TCN1: variants seen among roughly 807,000 people sequenced by gnomAD.
TCN1 encodes the protein transcobalamin-1.
In TCN1, 47 loss-of-function variants were observed where a neutral mutation model predicts 46.3. The observed-to-expected ratio is 1.01, with a 90% confidence interval of 0.80 to 1.29. The LOEUF (loss-of-function observed/expected upper bound fraction) is 1.29. TCN1 is among the 50% of genes most tolerant of loss of function. The probability of loss-of-function intolerance (pLI) is 0.00; values close to 1 mark genes in which losing one functional copy is unlikely to be tolerated. For synonymous variants in TCN1, 183 were observed against 192.5 expected, an observed-to-expected ratio of 0.95 and a Z score of 0.41; for missense variants, 532 against 511.0, an observed-to-expected ratio of 1.04 and a Z score of -0.40.
chr11:59,853,152 C>T (rs762674888), intron 8 of TCN1, 51 bp downstream of exon 8: 1 of 1,608,474 alleles, frequency 6.2e-7, no homozygotes, highest in Non-Finnish European at 8.5e-7. Context: ...TCACACCCCT[C>T]TCCATTTGGG....
intron 5 of TCN1, 27 bp from the exon 6 acceptor site, chr11:59,856,085 G>GGGGGGA: frequency 1.9e-5 from 11 of 585,328 alleles, no homozygotes; most frequent in South Asian, 2.8e-5. Context: ...GGGTGGGGGG[G>GGGGGGA]TGATGAGAGA....
intron 5 of TCN1, among the ~76,000 whole-genome samples, chr11:59,858,439 G>A (rs1415710540): frequency 6.6e-6 from 1 of 152,188 alleles, no homozygotes; most frequent in African/African-American, 2.4e-5. Context: ...ACTACTGTGT[G>A]TGTGAAAGTG....
At chr11:59,858,787 G>A (rs961320786) in intron 5 of TCN1, among the ~76,000 whole-genome samples, 2 of 152,162 alleles carry the variant, frequency 1.3e-5, no homozygotes, top group Non-Finnish European at 2.9e-5. Context: ...TGGCCAACAT[G>A]GTGAAACTCT....
chr11:59,855,818 T>A, intron 6 of TCN1, 51 bp downstream of exon 6: 3 of 1,598,598 alleles, frequency 1.9e-6, no homozygotes, highest in Non-Finnish European at 2.6e-6. Context: ...CTCACATGCT[T>A]TGGGTGCTAT....
intron 6 of TCN1, 101 bp from the exon 7 acceptor site, chr11:59,854,936 A>C: frequency 1.6e-6 from 2 of 1,264,792 alleles, no homozygotes; most frequent in Non-Finnish European, 2.3e-6. Context: ...CCTTGCCTTT[A>C]TGCAGACACG....
chr11:59,863,975 A>G lies in TCN1; in HGVS notation c.191T>C (p.Val64Ala), dbSNP rs372634621. 2 of 1,613,918 alleles carry G rather than the reference A, an allele frequency of 1.2e-6. No individual in the cohort carries two copies. The highest frequency in any genetic ancestry group is 1.3e-5 in the African/African-American group (1 of 74,966). The change falls in exon 2 of 9, where the codon GTT becomes GCT. Residue 64 changes from valine to alanine, a missense_variant. Val to Ala is a moderately conservative substitution (Grantham distance 64). Coordinates refer to ENST00000257264, the MANE Select transcript of TCN1 (RefSeq NM_001062.4). Reference sequence around the variant, plus strand: ...CATCAGGGTTTGGATCTGGATTCCAACAAGTTTGAGGGACAACACAACATT... The same window carrying G: ...CATCAGGGTTTGGATCTGGATTCCAGCAAGTTTGAGGGACAACACAACATT... The part of the protein sequence containing the change: ...AVNVVLSLKL[V>A]GIQIQTLMQK...
At chr11:59,864,349 C>T (rs1853050432) in intron 1 of TCN1, among the ~76,000 whole-genome samples, 1 of 152,140 alleles carries the variant, frequency 6.6e-6, no homozygotes, top group Non-Finnish European at 1.5e-5. Flanking sequence ...TGGCAGACTC[C>T]TGCCTGGGAA....
At chr11:59,854,598 G>GC in intron 7 of TCN1, 54 bp downstream of exon 7, 1 of 1,573,924 alleles carries the variant, frequency 6.4e-7, no homozygotes, top group Non-Finnish European at 8.7e-7. Flanking sequence ...CATTCTTACT[G>GC]CATCTTTAGA....
intron 3 of TCN1, 117 bp from the exon 4 acceptor site, chr11:59,861,799 T>G: frequency 8.2e-7 from 1 of 1,223,340 alleles, no homozygotes; most frequent in Non-Finnish European, 1.2e-6. Context: ...AGGTGGCTAA[T>G]AGAAGGGGGA....
intron 1 of TCN1, 94 bp downstream of exon 1, chr11:59,866,298 G>T: frequency 7.7e-7 from 1 of 1,300,992 alleles, no homozygotes; most frequent in Non-Finnish European, 1.1e-6. Flanking sequence ...AACTGGAATG[G>T]GATCTTTTCT....
At position 59,859,083 on chromosome 11, in the gene TCN1, G is replaced by A. The variant is rs765045964; in HGVS notation, c.741C>T (p.Ala247=). The change falls in exon 5 of 9, where the codon GCC becomes GCT. Residue 247 remains alanine (A), a synonymous_variant. Transcript: ENST00000257264. ...GTTTCACCCTCTGACTTACCTGCATGGCTTCTCCTGTGCTAAATGTGTTTC... is the reference window on the plus strand; with the variant it reads ...GTTTCACCCTCTGACTTACCTGCATAGCTTCTCCTGTGCTAAATGTGTTTC... ...LIGNTFSTGE[A]MQALFVSSDY... 3.7e-6 allele frequency: 6 copies of A among 1,612,702 alleles called. No homozygotes were observed. The highest frequency in any genetic ancestry group is 4.2e-6 in the Non-Finnish European group (5 of 1,179,922).
intron 1 of TCN1, among the ~76,000 whole-genome samples, chr11:59,865,928 A>G (rs1240008345): frequency 1.7e-4 from 26 of 152,200 alleles, no homozygotes; most frequent in Non-Finnish European, 3.8e-4. Flanking sequence ...CACTCATGAC[A>G]AGACAGCAGT....
chr11:59,855,109 G>T (rs1483093152), intron 6 of TCN1, among the ~76,000 whole-genome samples: 3 of 152,004 alleles, frequency 2.0e-5, no homozygotes, highest in Non-Finnish European at 4.4e-5. Context: ...TCTCACAGAG[G>T]ATCCTGATTT....
rs547339711 is a variant in TCN1 at position 59,852,950 on chromosome 11, T to C, written c.*25A>G. On this transcript the variant is annotated 3_prime_UTR_variant, in exon 9 of 9. Coordinates refer to ENST00000257264, the MANE Select transcript of TCN1 (RefSeq NM_001062.4). The stretch of plus-strand genomic sequence containing the variant: ...GGAACTCCACTGCAAATGGATTTTA[T>C]GCAGCTGAGGAAAGTTTGGGCTTAT... 1.2e-6 allele frequency: 2 copies of C among 1,611,692 alleles called. No homozygotes were observed. The highest frequency in any genetic ancestry group is 2.7e-5 in the African/African-American group (2 of 74,992).
intron 6 of TCN1, 56 bp downstream of exon 6, chr11:59,855,813 A>T: frequency 1.3e-6 from 2 of 1,596,944 alleles, no homozygotes; most frequent in Middle Eastern, 1.7e-4. Context: ...TGAATCTCAC[A>T]TGCTTTGGGT....
rs2135109228 is a variant in TCN1, at chr11:59,861,546, A to G, written c.537T>C (p.Phe179=). Reference sequence around the variant, plus strand: ...ACTCACCTACTGAGAACTGGCTACCAAAATAATAGTTTTTATTTTCAGGAG... The same window carrying G: ...ACTCACCTACTGAGAACTGGCTACCGAAATAATAGTTTTTATTTTCAGGAG... ...HFTPENKNYY[F]GSQFSVDTGA... is the part of the protein sequence containing the mutation. The change falls in exon 4 of 9, where the codon TTT becomes TTC. Residue 179 remains phenylalanine, a synonymous_variant. Coordinates refer to ENST00000257264, the MANE Select transcript of TCN1 (RefSeq NM_001062.4). 6.2e-7 allele frequency: 1 copy of G among 1,614,108 alleles called. No individual in the cohort carries two copies. Among genetic ancestry groups the G allele is most frequent in the East Asian group, 2.2e-5 (1 of 44,872 alleles).
intron 5 of TCN1, among the ~76,000 whole-genome samples, chr11:59,857,996 C>A (rs1852965189): frequency 6.6e-6 from 1 of 152,074 alleles, no homozygotes; most frequent in South Asian, 2.1e-4. Flanking sequence ...TAGTACTGAG[C>A]CTTAAATATA....
chr11:59,860,519 G>T (rs761117594), intron 4 of TCN1, among the ~76,000 whole-genome samples: 2 of 151,900 alleles, frequency 1.3e-5, no homozygotes, highest in African/African-American at 2.4e-5. Flanking sequence ...CATACACATG[G>T]ACAGTATTTC....
intron 5 of TCN1, among the ~76,000 whole-genome samples, chr11:59,856,802 G>A (rs570135852): frequency 1.8e-4 from 27 of 152,310 alleles, no homozygotes; most frequent in East Asian, 1.2e-3. Context: ...GATTGACAAC[G>A]ATGAGGAGGT....
Sources: gnomAD v4.1 joint callset for allele counts (sites outside exome capture counted in the v4.1 genomes callset) on GRCh38, gnomAD v4.1.1 for gene constraint, MANE v1.5 for transcripts, NCBI Gene and HGNC (gene_info 2026-07-23, HGNC 2026-07-21) for gene names.